The following FGF9 variants were observed in gnomAD, a reference collection of about 807,000 sequenced individuals.
FGF9 encodes the protein fibroblast growth factor 9.
In FGF9, 3 loss-of-function variants were observed where a neutral mutation model predicts 19.9. That is an observed-to-expected ratio of 0.15 (90% CI 0.07 to 0.39). The LOEUF (loss-of-function observed/expected upper bound fraction) is 0.39. FGF9 is among the 10% of genes least tolerant of loss of function. FGF9 has a pLI of 1.00. For synonymous variants in FGF9, 107 were observed against 106.9 expected (o/e 1.00, Z -0.01); for missense variants, 175 against 256.8 (o/e 0.68, Z 2.18).
At chr13:21,689,973 T>A (rs1387419820) in intron 2 of FGF9, among the ~76,000 whole-genome samples, 4 of 152,174 alleles carry the variant, frequency 2.6e-5, no homozygotes, top group Non-Finnish European at 5.9e-5. Context: ...CACCCCTGTT[T>A]TCAGAATGGA....
chr13:21,686,280 C>A (rs763879295), intron 2 of FGF9, among the ~76,000 whole-genome samples: 10 of 152,198 alleles, frequency 6.6e-5, no homozygotes, highest in Non-Finnish European at 1.3e-4. Flanking sequence ...CTGCCAGCCT[C>A]ACCCTTCCAA....
intron 2 of FGF9, among the ~76,000 whole-genome samples, chr13:21,686,116 A>G (rs954502820): frequency 3.5e-4 from 54 of 152,314 alleles, no homozygotes; most frequent in African/African-American, 1.2e-3. Context: ...GTATAGTGGC[A>G]TGATCTCAGC....
chr13:21,675,906 G>C (rs1029076796), intron 1 of FGF9, among the ~76,000 whole-genome samples: 1 of 151,448 alleles, frequency 6.6e-6, no homozygotes, highest in Non-Finnish European at 1.5e-5. Flanking sequence ...GACAACTTAG[G>C]TGGGACCTTG....
chr13:21,672,044 G>C lies in FGF9; in HGVS notation c.132G>C (p.Gly44=), dbSNP rs1230450719. The C allele has an allele frequency of 6.2e-7, 1 of 1,614,220 alleles. No individual in the cohort carries two copies. Among genetic ancestry groups the C allele is most frequent in the Non-Finnish European group, 8.5e-7 (1 of 1,180,032 alleles). ...ACCTGGGTCAGTCCGAAGCAGGGGG[G>C]CTCCCCAGGGGACCCGCAGTCACGG... The part of the protein sequence containing the change: ...SDHLGQSEAG[G]LPRGPAVTDL... The change falls in exon 1 of 3, where the codon GGG becomes GGC. Residue 44 remains glycine (G), a synonymous_variant. Coordinates refer to ENST00000382353, the MANE Select transcript of FGF9 (RefSeq NM_002010.3). The surrounding 1 kb of genome is among the most constrained non-coding windows in gnomAD (Gnocchi z 4.2).
chr13:21,689,597 G>A (rs887174397), intron 2 of FGF9, among the ~76,000 whole-genome samples: 5 of 152,196 alleles, frequency 3.3e-5, no homozygotes, highest in African/African-American at 7.2e-5. Context: ...GATAAAAAGT[G>A]TTAGGGAGCC....
Position 21,691,500 on chromosome 13 carries a change from C to T in FGF9, c.382-9690C>T, listed in dbSNP as rs544797441. 6.6e-6 allele frequency among the ~76,000 whole-genome samples: 1 copy of T among 152,322 alleles called. No individual in the cohort carries two copies. Among genetic ancestry groups the T allele is most frequent in the South Asian group, 2.1e-4 (1 of 4,822 alleles). ...CCGGATTCTGTGGTCTTTCCTCTGT[C>T]CCTGCCTCATCTGCCTCATCTTGTC... On this transcript the variant is annotated intron_variant, in intron 2 of 2. Coordinates refer to ENST00000382353, the MANE Select transcript of FGF9 (RefSeq NM_002010.3). The surrounding 1 kb of genome is among the most constrained non-coding windows in gnomAD (Gnocchi z 4.2).
chr13:21,682,706 T>A (rs1480643054), intron 2 of FGF9, among the ~76,000 whole-genome samples: 2 of 151,418 alleles, frequency 1.3e-5, no homozygotes, highest in Non-Finnish European at 2.9e-5. Context: ...TTTTTTTTTT[T>A]TTTTTGCTTT....
chr13:21,675,046 A>T (rs1253896219), intron 1 of FGF9, among the ~76,000 whole-genome samples: 256 of 19,664 alleles, frequency 0.013, 1 homozygote, highest in Middle Eastern at 0.048. Flanking sequence ...GGCTGGGGGG[A>T]GGGGCTAGGG....
chr13:21,690,367 TCA>T (rs1412614497), intron 2 of FGF9, among the ~76,000 whole-genome samples: 2 of 152,062 alleles, frequency 1.3e-5, no homozygotes, highest in African/African-American at 4.8e-5. Context: ...ACTCTTCCAT[TCA>T]CAGACATACC....
At chr13:21,675,440 G>C (rs952965765) in intron 1 of FGF9, among the ~76,000 whole-genome samples, 1 of 151,840 alleles carries the variant, frequency 6.6e-6, no homozygotes, top group Non-Finnish European at 1.5e-5. Flanking sequence ...ACGAGGCCGC[G>C]GCGGCGCTAG....
Position 21,671,795 on chromosome 13 carries a change from T to C in FGF9, c.-118T>C, listed in dbSNP as rs939986477. ...TGGATTGAAGAAAAGAACCTTTTTTTTCTCTCTCTCTCTGCAACTGCAGTA... is the reference window on the plus strand; with the variant it reads ...TGGATTGAAGAAAAGAACCTTTTTTCTCTCTCTCTCTCTGCAACTGCAGTA... On this transcript the variant is annotated 5_prime_UTR_variant, in exon 1 of 3. Coordinates refer to ENST00000382353, the MANE Select transcript of FGF9 (RefSeq NM_002010.3). 6.8e-5 allele frequency: 80 copies of C among 1,171,518 alleles called. 1 individual carries two copies. Among genetic ancestry groups the C allele is most frequent in the South Asian group, 5.5e-4 (42 of 76,084 alleles). 72.6% of individuals were successfully genotyped at this position (1,171,518 alleles called of 1,614,324 possible).
At chr13:21,682,479 T>C (rs2138134957) in intron 2 of FGF9, among the ~76,000 whole-genome samples, 2 of 152,284 alleles carry the variant, frequency 1.3e-5, no homozygotes, top group South Asian at 4.1e-4. Flanking sequence ...AATATGTATA[T>C]ATAGATACAC....
chr13:21,675,483 A>C (rs1010373280), intron 1 of FGF9, among the ~76,000 whole-genome samples: 3 of 151,318 alleles, frequency 2.0e-5, no homozygotes, highest in Admixed American at 6.6e-5. Context: ...GGGCGGAGGG[A>C]GGGCACAGGC....
chr13:21,695,125 T>G (rs982046944), intron 2 of FGF9, among the ~76,000 whole-genome samples: 4 of 151,366 alleles, frequency 2.6e-5, no homozygotes, highest in African/African-American at 9.7e-5. Flanking sequence ...TGAGAGAGAC[T>G]AGATTCAGCC....
chr13:21,687,035 G>A (rs1415674206), intron 2 of FGF9, among the ~76,000 whole-genome samples: 2 of 152,192 alleles, frequency 1.3e-5, no homozygotes, highest in Non-Finnish European at 2.9e-5. Context: ...GTGTTTACTA[G>A]TAGGTTTGGT....
chr13:21,698,577 T>G (rs1211501405), intron 2 of FGF9, among the ~76,000 whole-genome samples: 1 of 152,154 alleles, frequency 6.6e-6, no homozygotes, highest in African/African-American at 2.4e-5. Flanking sequence ...GGCTTCTCAC[T>G]CCAACGTCAG....
At chr13:21,683,352 A>G (rs1872086488) in intron 2 of FGF9, among the ~76,000 whole-genome samples, 1 of 152,252 alleles carries the variant, frequency 6.6e-6, no homozygotes, top group African/African-American at 2.4e-5. Context: ...TGAGAGGGAC[A>G]TTGAGTGTAG....
rs1872536006 is a variant in FGF9, at chr13:21,701,276, G to A, written c.468G>A (p.Val156=). 1.2e-6 allele frequency: 2 copies of A among 1,613,724 alleles called. No homozygotes were observed. The highest frequency in any genetic ancestry group is 1.7e-5 in the Admixed American group (1 of 59,990). Residue 156 remains valine, a synonymous_variant, in exon 3 of 3, where the codon GTG becomes GTA. Transcript: ENST00000382353. ...ACTCATCAAACCTATATAAGCACGT[G>A]GACACTGGAAGGCGATACTATGTTG... ...NTYSSNLYKH[V]DTGRRYYVAL... is the part of the protein sequence containing the mutation.
At chr13:21,677,826 T>G (rs1193510809) in intron 1 of FGF9, among the ~76,000 whole-genome samples, 1 of 152,178 alleles carries the variant, frequency 6.6e-6, no homozygotes, top group Non-Finnish European at 1.5e-5. Flanking sequence ...GATGAAATCT[T>G]TTCCACCTGG....
Sources: allele counts gnomAD v4.1 joint callset (sites outside exome capture counted in the v4.1 genomes callset), GRCh38; gene constraint gnomAD v4.1.1; non-coding constraint Gnocchi (gnomAD v3.1); transcripts MANE v1.5; gene names NCBI Gene and HGNC (gene_info 2026-07-23, HGNC 2026-07-21).